The following ADAMTS20 variants were observed in gnomAD, a reference collection of about 807,000 sequenced individuals.
ADAMTS20 encodes the protein A disintegrin and metalloproteinase with thrombospondin motifs 20.
In ADAMTS20, 225 loss-of-function variants were observed where a neutral mutation model predicts 260.1. The ratio of observed to expected loss-of-function variants is 0.87; its 90% CI spans 0.78 to 0.97. The LOEUF (loss-of-function observed/expected upper bound fraction) is 0.97. Among genes scored for constraint, ADAMTS20 ranks in the 50% least tolerant of loss-of-function variants. The pLI is 0.00. For missense variants in ADAMTS20, 2,400 were observed against 2,337.7 expected (o/e 1.03, Z -0.55); for synonymous variants, 802 against 769.5 (o/e 1.04, Z -0.70).
At chr12:43,517,231 T>A (rs1305038481) in intron 3 of ADAMTS20, among the ~76,000 whole-genome samples, 2 of 151,750 alleles carry the variant, frequency 1.3e-5, no homozygotes, top group African/African-American at 2.4e-5. Flanking sequence ...ACAAGAAAAA[T>A]AAATAAAATA....
At position 43,488,150 on chromosome 12, in the gene ADAMTS20, T is replaced by A. The variant is rs76840325; in HGVS notation, c.1117+2245A>T. Among the ~76,000 whole-genome samples the A allele has an allele frequency of 4.2e-3, 632 of 151,940 alleles. 4 individuals are homozygous for A. The highest frequency in any genetic ancestry group is 0.014 in the African/African-American group (595 of 41,372). On this transcript the variant is annotated intron_variant, in intron 7 of 38. Transcript: ENST00000389420. ...TTTTAGAGTGGTTCAATTTGGGGAG[T>A]TGAGCGAGGGAAGAAAAGATGTTAA... is the stretch of plus-strand genomic sequence containing the variant.
rs532968776 is a variant in ADAMTS20, at chr12:43,464,096, A to T, written c.1509+495T>A. On this transcript the variant is annotated intron_variant, in intron 10 of 38. Coordinates refer to ENST00000389420, the MANE Select transcript of ADAMTS20 (RefSeq NM_025003.5). The stretch of plus-strand genomic sequence containing the variant: ...TTTCAATGACAAAGGTATCTCATCT[A>T]TGAAAAATCCTCAAAATATTATAAA... Among the ~76,000 whole-genome samples, 5 of 152,282 alleles carry T rather than the reference A, an allele frequency of 3.3e-5. No individual in the cohort carries two copies. In the South Asian group the frequency reaches 1.0e-3, roughly 32 times the overall value.
rs386423143 is a variant in ADAMTS20 at position 43,507,753 on chromosome 12, A to T, written c.614-5348T>A. ...TATTCATAATCCTAAATGCCCATCG[A>T]TGACAGAATGGATAAAGAAAACGTG... is the stretch of plus-strand genomic sequence containing the variant. On this transcript the variant is annotated intron_variant, in intron 3 of 38. Coordinates refer to ENST00000389420, the MANE Select transcript of ADAMTS20 (RefSeq NM_025003.5). Among the ~76,000 whole-genome samples, 410 of 152,306 alleles carry T rather than the reference A, an allele frequency of 2.7e-3. 1 individual carries two copies. The highest frequency in any genetic ancestry group is 4.5e-3 in the Non-Finnish European group (304 of 68,034).
At chr12:43,458,349 G>C (rs7309884) in intron 11 of ADAMTS20, among the ~76,000 whole-genome samples, 69,595 of 151,746 alleles carry the variant, frequency 0.46, 16,817 homozygotes, top group East Asian at 0.89. Context: ...ACGTTCCCAA[G>C]TTGAAGGGTC....
chr12:43,495,900 AT>A (rs1215770785), intron 4 of ADAMTS20, among the ~76,000 whole-genome samples: 1 of 152,140 alleles, frequency 6.6e-6, no homozygotes, highest in South Asian at 2.1e-4. Flanking sequence ...GACCTTTATA[AT>A]TTAAGTGCTC....
At chr12:43,444,821 G>A (rs944685289) in intron 15 of ADAMTS20, among the ~76,000 whole-genome samples, 1 of 152,116 alleles carries the variant, frequency 6.6e-6, no homozygotes, top group Non-Finnish European at 1.5e-5. Flanking sequence ...AACTTAAGAA[G>A]ACAGTTCAAA....
intron 28 of ADAMTS20, among the ~76,000 whole-genome samples, chr12:43,420,742 T>A (rs1941210883): frequency 6.6e-6 from 1 of 151,078 alleles, no homozygotes; most frequent in South Asian, 2.1e-4. Flanking sequence ...CGGTGTTTGC[T>A]GCTACTACAT....
chr12:43,413,258 A>G (rs1278777449), intron 28 of ADAMTS20, among the ~76,000 whole-genome samples: 1 of 152,104 alleles, frequency 6.6e-6, no homozygotes, highest in African/African-American at 2.4e-5. Flanking sequence ...GACATCCCAA[A>G]CAGAATGATT....
intron 6 of ADAMTS20, among the ~76,000 whole-genome samples, 181 bp downstream of exon 6, chr12:43,492,324 G>A (rs1177422820): frequency 1.3e-5 from 2 of 151,442 alleles, no homozygotes; most frequent in Admixed American, 6.6e-5. Flanking sequence ...AGCTTGCAGT[G>A]AGCCGAGATC....
intron 16 of ADAMTS20, among the ~76,000 whole-genome samples, chr12:43,441,523 A>G (rs1941666293): frequency 6.6e-6 from 1 of 152,168 alleles, no homozygotes; most frequent in Admixed American, 6.5e-5. Context: ...TCAGTTTCCT[A>G]AACTGCATAA....
chr12:43,446,594 C>G lies in ADAMTS20; in HGVS notation c.2197+1G>C, dbSNP rs766892332. ...AATCTAGAAACAAATACACAACTTA[C>G]CATAATGAGAACTGTTGAAGACACC... On this transcript the variant is annotated splice_donor_variant, in intron 15 of 38. Coordinates refer to ENST00000389420, the MANE Select transcript of ADAMTS20 (RefSeq NM_025003.5). LOFTEE classifies it high-confidence loss of function. The G allele has an allele frequency of 6.2e-7, 1 of 1,609,240 alleles. No homozygotes were observed. The highest frequency in any genetic ancestry group is 1.1e-5 in the South Asian group (1 of 90,914).
At chr12:43,476,174 A>G (rs1194804485) in intron 7 of ADAMTS20, among the ~76,000 whole-genome samples, 1 of 70,602 alleles carries the variant, frequency 1.4e-5, no homozygotes, top group African/African-American at 5.5e-5. Flanking sequence ...CCCATCAAAA[A>G]GTGGGCAAAG....
chr12:43,501,024 A>T (rs1942750369), intron 4 of ADAMTS20, among the ~76,000 whole-genome samples: 1 of 147,260 alleles, frequency 6.8e-6, no homozygotes, highest in Non-Finnish European at 1.5e-5. Context: ...TTCCAAATAC[A>T]CTGAATCTAT....
At chr12:43,379,369 T>A (rs1035419891) in intron 31 of ADAMTS20, among the ~76,000 whole-genome samples, 6 of 152,120 alleles carry the variant, frequency 3.9e-5, no homozygotes, top group African/African-American at 1.4e-4. Flanking sequence ...CTCCAGTGTA[T>A]TAATGGGATC....
chr12:43,415,663 GT>G (rs1941116790), intron 28 of ADAMTS20, among the ~76,000 whole-genome samples: 1 of 152,100 alleles, frequency 6.6e-6, no homozygotes, highest in African/African-American at 2.4e-5. Flanking sequence ...GAAATGCTAA[GT>G]AACTTGGCAA....
intron 36 of ADAMTS20, 119 bp downstream of exon 36, chr12:43,375,260 A>G (rs1290643706): frequency 1.9e-6 from 2 of 1,062,992 alleles, no homozygotes; most frequent in East Asian, 2.7e-5. Context: ...AAAGTAAGTA[A>G]TTTTTGCACA....
chr12:43,443,176 GA>G (rs1290768660), intron 16 of ADAMTS20, among the ~76,000 whole-genome samples: 1 of 152,160 alleles, frequency 6.6e-6, no homozygotes, highest in Admixed American at 6.5e-5. Flanking sequence ...CAGGCAGAAG[GA>G]AAAGGTTTTT....
intron 28 of ADAMTS20, among the ~76,000 whole-genome samples, 200 bp from the exon 29 acceptor site, chr12:43,399,433 T>C (rs1165962193): frequency 6.6e-6 from 1 of 152,136 alleles, no homozygotes; most frequent in African/African-American, 2.4e-5. Flanking sequence ...TATCATAAGG[T>C]AATATGATTA....
chr12:43,377,271 T>A (rs1171763441), intron 32 of ADAMTS20, 94 bp downstream of exon 32: 14 of 1,131,154 alleles, frequency 1.2e-5, no homozygotes, highest in Admixed American at 2.9e-5. Flanking sequence ...GAGGCAACTC[T>A]GAGGATCTAG....
Sources: gnomAD v4.1 joint callset for allele counts (sites outside exome capture counted in the v4.1 genomes callset) on GRCh38, gnomAD v4.1.1 for gene constraint, MANE v1.5 for transcripts, NCBI Gene and HGNC (gene_info 2026-07-23, HGNC 2026-07-21) for gene names.